RORA: variants seen among roughly 807,000 people sequenced by gnomAD.
RORA encodes the protein nuclear receptor ROR-alpha.
In RORA, 7 loss-of-function variants were observed where a neutral mutation model predicts 69.5. The ratio of observed to expected loss-of-function variants is 0.10; its 90% CI spans 0.06 to 0.19. RORA has a LOEUF of 0.19. Ranked by LOEUF, RORA falls within the 10% of genes least tolerant of loss-of-function variation. RORA has a pLI of 1.00. For missense variants in RORA, 457 were observed against 663.0 expected, an observed-to-expected ratio of 0.69 and a Z score of 3.41; for synonymous variants, 261 against 240.8, an observed-to-expected ratio of 1.08 and a Z score of -0.78.
chr15:61,006,393 T>C (rs1894916032), intron 1 of RORA, among the ~76,000 whole-genome samples: 1 of 152,180 alleles, frequency 6.6e-6, no homozygotes, highest in Non-Finnish European at 1.5e-5. Context: ...TGATTATGAT[T>C]ATCTTCTGAC....
chr15:60,956,781 G>T (rs1893278322), intron 1 of RORA, among the ~76,000 whole-genome samples: 1 of 152,148 alleles, frequency 6.6e-6, no homozygotes, highest in Non-Finnish European at 1.5e-5. Context: ...AAGTATCTTA[G>T]TAGGCCCCCT....
At chr15:60,587,947 T>C (rs905824633) in intron 2 of RORA, among the ~76,000 whole-genome samples, 12 of 152,310 alleles carry the variant, frequency 7.9e-5, no homozygotes, top group African/African-American at 2.9e-4. Flanking sequence ...AGAAAAATCA[T>C]GTTCTATCAT....
At chr15:61,208,778 G>A (rs1184763863) in intron 1 of RORA, among the ~76,000 whole-genome samples, 2 of 152,116 alleles carry the variant, frequency 1.3e-5, no homozygotes, top group Non-Finnish European at 2.9e-5. Context: ...AGGCCTCCTG[G>A]TTACTTGTCC....
chr15:60,821,540 G>C (rs962701046), intron 1 of RORA, among the ~76,000 whole-genome samples: 1 of 152,122 alleles, frequency 6.6e-6, no homozygotes, highest in African/African-American at 2.4e-5. Flanking sequence ...TTCCTCAAAG[G>C]CTGGGAACAC....
chr15:61,037,864 G>C (rs183113933), intron 1 of RORA, among the ~76,000 whole-genome samples: 1 of 152,288 alleles, frequency 6.6e-6, no homozygotes, highest in East Asian at 1.9e-4. Context: ...GGGGCAGTCA[G>C]GAAAGGCTTT....
chr15:60,900,564 T>C (rs1891358747), intron 1 of RORA, among the ~76,000 whole-genome samples: 1 of 152,138 alleles, frequency 6.6e-6, no homozygotes, highest in African/African-American at 2.4e-5. Flanking sequence ...CAAAACTGCC[T>C]TATAATCTAT....
intron 1 of RORA, among the ~76,000 whole-genome samples, chr15:60,731,003 A>G (rs1304508821): frequency 6.6e-6 from 1 of 152,166 alleles, no homozygotes; most frequent in East Asian, 1.9e-4. Context: ...TCACTCAGGT[A>G]TTAAGCCTGA....
chr15:60,934,855 C>A (rs1281844366), intron 1 of RORA, among the ~76,000 whole-genome samples: 2 of 152,212 alleles, frequency 1.3e-5, no homozygotes, highest in Non-Finnish European at 2.9e-5. Flanking sequence ...CAGAAAGCAC[C>A]TTTCTAAAGC....
intron 1 of RORA, among the ~76,000 whole-genome samples, chr15:60,922,219 A>G (rs1021820379): frequency 2.6e-5 from 4 of 152,312 alleles, no homozygotes; most frequent in Admixed American, 6.5e-5. Context: ...GAGGGCAGTG[A>G]AACTGTTCTG....
chr15:60,640,150 A>C (rs2069917202), intron 2 of RORA, among the ~76,000 whole-genome samples: 1 of 152,200 alleles, frequency 6.6e-6, no homozygotes, highest in African/African-American at 2.4e-5. Context: ...TCGCAGCATC[A>C]CTAGGATTCA....
intron 2 of RORA, chr15:60,556,732 C>T (rs1035200573): frequency 2.7e-6 from 2 of 752,502 alleles, no homozygotes; most frequent in African/African-American, 1.8e-5. Flanking sequence ...ACGGCTTCCC[C>T]TTTCTCTTCA....
At chr15:61,146,265 A>G (rs538802905) in intron 1 of RORA, among the ~76,000 whole-genome samples, 1 of 152,180 alleles carries the variant, frequency 6.6e-6, no homozygotes, top group Non-Finnish European at 1.5e-5. Flanking sequence ...AGACCCTTCA[A>G]TAGAAATTGC....
chr15:61,026,455 CT>C (rs1566949659), intron 1 of RORA, among the ~76,000 whole-genome samples: 1 of 152,168 alleles, frequency 6.6e-6, no homozygotes, highest in Non-Finnish European at 1.5e-5. Flanking sequence ...TGTGTTTAAA[CT>C]TTCGGTATTT....
intron 1 of RORA, among the ~76,000 whole-genome samples, chr15:61,016,524 A>G (rs962032279): frequency 2.6e-5 from 4 of 152,228 alleles, no homozygotes; most frequent in South Asian, 2.1e-4. Flanking sequence ...GGTAAAGTAT[A>G]TAACAATTCC....
In RORA at chr15:60,511,982, A is replaced by C; in HGVS notation, c.425-361T>G. ...TCCCCCCGTGCAGCTGGCTTAGGCT[A>C]CCTCTTTCTCTCCCACGTTCAGACC... On this transcript the variant is annotated intron_variant, in intron 4 of 10. Coordinates refer to ENST00000335670, the MANE Select transcript of RORA (RefSeq NM_134261.3). This position sits in a 1 kb window ranked among gnomAD's most constrained non-coding sequence, Gnocchi z 6.4. The C allele has an allele frequency of 4.6e-6, 1 of 215,464 alleles. No homozygotes were observed. The allele number at this position is 215,464 out of a possible 1,614,324, so 13.3% of individuals were successfully genotyped here.
At chr15:60,969,385 G>T (rs1442502211) in intron 1 of RORA, among the ~76,000 whole-genome samples, 6 of 151,990 alleles carry the variant, frequency 3.9e-5, no homozygotes, top group Non-Finnish European at 8.8e-5. Context: ...ACCAGTGTGG[G>T]CCCTTCAATC....
At chr15:60,533,924 A>G (rs1567066598) in intron 2 of RORA, among the ~76,000 whole-genome samples, 1 of 152,232 alleles carries the variant, frequency 6.6e-6, no homozygotes, top group Non-Finnish European at 1.5e-5. Flanking sequence ...AGTCAGCATC[A>G]AAACTACCTG....
intron 1 of RORA, among the ~76,000 whole-genome samples, chr15:61,208,637 A>T (rs182061037): frequency 2.6e-5 from 4 of 152,346 alleles, no homozygotes; most frequent in African/African-American, 9.6e-5. Flanking sequence ...TCACAGGATT[A>T]TAGAATATCA....
At chr15:60,551,976 T>C (rs2067238978) in intron 2 of RORA, among the ~76,000 whole-genome samples, 1 of 152,184 alleles carries the variant, frequency 6.6e-6, no homozygotes, top group African/African-American at 2.4e-5. Context: ...GAGGCTCTTT[T>C]ATCAGTGTAG....
Sources: gnomAD v4.1 joint callset for allele counts (sites outside exome capture counted in the v4.1 genomes callset) on GRCh38, gnomAD v4.1.1 for gene constraint, Gnocchi (gnomAD v3.1) non-coding constraint, MANE v1.5 for transcripts, NCBI Gene and HGNC (gene_info 2026-07-23, HGNC 2026-07-21) for gene names.